Variants in PPP1R3E observed in about 807,000 individuals in gnomAD.
The protein encoded by PPP1R3E is protein phosphatase 1 regulatory subunit 3E.
PPP1R3E carries 20 observed loss-of-function variants against 18.5 expected under a neutral mutation model. That is an observed-to-expected ratio of 1.08 (90% CI 0.76 to 1.58). The LOEUF is 1.58. Among genes scored for constraint, PPP1R3E ranks in the 40% most tolerant of loss-of-function variants. The pLI is 0.00. For synonymous variants in PPP1R3E, 208 were observed against 208.1 expected, an observed-to-expected ratio of 1.00 and a Z score of 0.00; for missense variants, 498 against 460.2, an observed-to-expected ratio of 1.08 and a Z score of -0.75.
chr14:23,302,616 C>T lies in PPP1R3E; in HGVS notation c.-40G>A, dbSNP rs781779716. 3.6e-6 allele frequency: 5 copies of T among 1,398,778 alleles called. No homozygotes were observed. In the African/African-American group the frequency reaches 4.6e-5, roughly 13 times the overall value. The allele number at this position is 1,398,778 out of a possible 1,614,324, so 86.6% of individuals were successfully genotyped here. Reference sequence around the variant, plus strand: ...CGGCGGGGCCAGCTCGCAGCGCCACCGCGCTCCCCTCTCTTCCTCTCTCCC... The same window carrying T: ...CGGCGGGGCCAGCTCGCAGCGCCACTGCGCTCCCCTCTCTTCCTCTCTCCC... On this transcript the variant is annotated 5_prime_UTR_variant, in exon 1 of 5. Coordinates refer to ENST00000452015, the MANE Select transcript of PPP1R3E (RefSeq NM_001276318.2).
rs1255210818 is a variant in PPP1R3E at position 23,297,127 on chromosome 14, A to C, written c.*2177T>G. On this transcript the variant is annotated 3_prime_UTR_variant, in exon 5 of 5. Transcript: ENST00000452015. ...AGTGTTTTCTCTCACGGCACTTCCCAGTCCACAGCTGACATGTTATATTCC... is the reference window on the plus strand; with the variant it reads ...AGTGTTTTCTCTCACGGCACTTCCCCGTCCACAGCTGACATGTTATATTCC... The C allele has an allele frequency of 6.6e-6, 1 of 152,244 alleles. No homozygotes were observed. The highest frequency in any genetic ancestry group is 1.5e-5 in the Non-Finnish European group (1 of 68,060). The allele number at this position is 152,244 out of a possible 1,614,324, so 9.4% of individuals were successfully genotyped here.
chr14:23,301,272 C>G (rs1399503858), intron 2 of PPP1R3E, 26 bp downstream of exon 2: 4 of 187,756 alleles, frequency 2.1e-5, no homozygotes, highest in Non-Finnish European at 4.2e-5. Context: ...CACGCCCCCA[C>G]GCCCCCACGC....
At chr14:23,301,984 G>T in intron 1 of PPP1R3E, 126 bp from the exon 2 acceptor site, 1 of 1,261,176 alleles carries the variant, frequency 7.9e-7, no homozygotes, top group African/African-American at 1.6e-5. Context: ...GGCAGAGTGC[G>T]GCCCAGCTGC....
Position 23,302,443 on chromosome 14 carries a change from C to T in PPP1R3E, c.134G>A (p.Gly45Asp), listed in dbSNP as rs948578576. The T allele has an allele frequency of 4.0e-6, 6 of 1,504,086 alleles. No homozygotes were observed. Among genetic ancestry groups the T allele is most frequent in the African/African-American group, 1.4e-5 (1 of 69,178 alleles). 93.2% of individuals were successfully genotyped at this position (1,504,086 alleles called of 1,614,324 possible). A position where few individuals can be genotyped will look rare whatever the true frequency, so the allele number is the denominator to read the frequency against. ...EEEPEEEPGE[G>D]GTRFGARSRA... The stretch of plus-strand genomic sequence containing the variant: ...GGATCGGGCCCCGAACCGCGTCCCG[C>T]CCTCGCCTGGCTCCTCCTCCGGCTC... Residue 45 changes from glycine (G) to aspartate (D), a missense_variant, in exon 1 of 5, where the codon GGC becomes GAC. Coordinates refer to ENST00000452015, the MANE Select transcript of PPP1R3E (RefSeq NM_001276318.2).
rs1420354475 is a variant in PPP1R3E at position 23,302,511 on chromosome 14, C to T, written c.66G>A (p.Thr22=). 6.7e-7 allele frequency: 1 copy of T among 1,503,538 alleles called. No homozygotes were observed. The highest frequency in any genetic ancestry group is 8.8e-7 in the Non-Finnish European group (1 of 1,134,366). 93.1% of individuals were successfully genotyped at this position (1,503,538 alleles called of 1,614,324 possible). ...GCTGGCTACGGTAGTAGGCGCGCTCCGTTAGCGCGGCGATGAAGCTCAGGT... is the reference window on the plus strand; with the variant it reads ...GCTGGCTACGGTAGTAGGCGCGCTCTGTTAGCGCGGCGATGAAGCTCAGGT... The part of the protein sequence containing the change: ...PRNLSFIAAL[T]ERAYYRSQRP... The change falls in exon 1 of 5, where the codon ACG becomes ACA. Residue 22 remains threonine (T), a synonymous_variant. Coordinates refer to ENST00000452015, the MANE Select transcript of PPP1R3E (RefSeq NM_001276318.2).
In PPP1R3E at chr14:23,297,807, G is replaced by A. The variant is rs1886918051; in HGVS notation, c.*1497C>T. 6.6e-6 allele frequency: 1 copy of A among 152,228 alleles called. No individual in the cohort carries two copies. Among genetic ancestry groups the A allele is most frequent in the African/African-American group, 2.4e-5 (1 of 41,450 alleles). 9.4% of individuals were successfully genotyped at this position (152,228 alleles called of 1,614,324 possible). A position where few individuals can be genotyped will look rare whatever the true frequency, so the allele number is the denominator to read the frequency against. On this transcript the variant is annotated 3_prime_UTR_variant, in exon 5 of 5. Transcript: ENST00000452015. The stretch of plus-strand genomic sequence containing the variant: ...GACCAAAATGTTGTTCTATAAAGCT[G>A]AGATTGGGGAGAGTGAGCCAGGGTA...
intron 2 of PPP1R3E, 165 bp downstream of exon 2, chr14:23,301,133 T>TC: frequency 6.3e-6 from 2 of 316,404 alleles, no homozygotes; most frequent in Non-Finnish European, 1.2e-5. Context: ...TTCCTTTTTT[T>TC]ATAATCCCTC....
At position 23,296,225 on chromosome 14, in the gene PPP1R3E, G is replaced by A. The variant is rs555961753; in HGVS notation, c.*3079C>T. 1 of 152,260 alleles carries A rather than the reference G, an allele frequency of 6.6e-6. No individual in the cohort carries two copies. Among genetic ancestry groups the A allele is most frequent in the South Asian group, 2.1e-4 (1 of 4,836 alleles). 9.4% of individuals were successfully genotyped at this position (152,260 alleles called of 1,614,324 possible). A position where few individuals can be genotyped will look rare whatever the true frequency, so the allele number is the denominator to read the frequency against. On this transcript the variant is annotated 3_prime_UTR_variant, in exon 5 of 5. Transcript: ENST00000452015. ...CAAAAGTGCCAAAGCTGAGGACACA[G>A]AGAATACCATCATTGTCTTTTGTTT...
rs1190981064 is a variant in PPP1R3E, at chr14:23,296,740, T to C, written c.*2564A>G. The C allele has an allele frequency of 5.9e-5, 9 of 152,216 alleles. No individual in the cohort carries two copies. The highest frequency in any genetic ancestry group is 5.9e-5 in the Non-Finnish European group (4 of 68,062). The allele number at this position is 152,216 out of a possible 1,614,324, so 9.4% of individuals were successfully genotyped here. On this transcript the variant is annotated 3_prime_UTR_variant, in exon 5 of 5. Coordinates refer to ENST00000452015, the MANE Select transcript of PPP1R3E (RefSeq NM_001276318.2). ...GCACTAACAAATTCTATGACCCTGC[T>C]AGAGTCATTTCTCACCTCTGGACCT...
In PPP1R3E at chr14:23,302,439, C is replaced by G. The variant is rs950858428; in HGVS notation, c.138G>C (p.Gly46=). 1 of 1,501,400 alleles carries G rather than the reference C, an allele frequency of 6.7e-7. No homozygotes were observed. Among genetic ancestry groups the G allele is most frequent in the African/African-American group, 1.4e-5 (1 of 69,090 alleles). The allele number at this position is 1,501,400 out of a possible 1,614,324, so 93.0% of individuals were successfully genotyped here. A position where few individuals can be genotyped will look rare whatever the true frequency, so the allele number is the denominator to read the frequency against. Residue 46 remains glycine, a synonymous_variant, in exon 1 of 5, where the codon GGG becomes GGC. Coordinates refer to ENST00000452015, the MANE Select transcript of PPP1R3E (RefSeq NM_001276318.2). ...CGCGGGATCGGGCCCCGAACCGCGT[C>G]CCGCCCTCGCCTGGCTCCTCCTCCG... is the stretch of plus-strand genomic sequence containing the variant. The part of the protein sequence containing the change: ...EEPEEEPGEG[G]TRFGARSRAH...
intron 2 of PPP1R3E, 137 bp from the exon 3 acceptor site, chr14:23,301,001 A>C: frequency 6.2e-6 from 1 of 162,256 alleles, no homozygotes; most frequent in Non-Finnish European, 1.3e-5. Flanking sequence ...GCTACTTCAC[A>C]TCATACCTCC....
chr14:23,302,291 A>G lies in PPP1R3E; in HGVS notation c.286T>C (p.Leu96=). 6.6e-7 allele frequency: 1 copy of G among 1,520,154 alleles called. No homozygotes were observed. The highest frequency in any genetic ancestry group is 1.4e-5 in the African/African-American group (1 of 70,280). 94.2% of individuals were successfully genotyped at this position (1,520,154 alleles called of 1,614,324 possible). The part of the protein sequence containing the change: ...KRVRFADALG[L]ELAVVRRFRP... ...AAGCGGCGCACGACAGCCAGCTCCA[A>G]CCCCAGTGCGTCGGCGAAACGCACT... Residue 96 remains leucine (L), a synonymous_variant, in exon 1 of 5, where the codon TTG becomes CTG. Transcript: ENST00000452015.
chr14:23,302,774 C>T lies in PPP1R3E; in HGVS notation c.-198G>A. The stretch of plus-strand genomic sequence containing the variant: ...GCCTCTCCTCTGTGACCACCCTTCC[C>T]TCCCTCTGGCCGTCAGCTTCCAGGG... On this transcript the variant is annotated 5_prime_UTR_variant, in exon 1 of 5. Coordinates refer to ENST00000452015, the MANE Select transcript of PPP1R3E (RefSeq NM_001276318.2). The T allele has an allele frequency of 1.9e-6, 1 of 536,780 alleles. No individual in the cohort carries two copies. Among genetic ancestry groups the T allele is most frequent in the Non-Finnish European group, 3.2e-6 (1 of 315,116 alleles). 33.3% of individuals were successfully genotyped at this position (536,780 alleles called of 1,614,324 possible). A position where few individuals can be genotyped will look rare whatever the true frequency, so the allele number is the denominator to read the frequency against.
Position 23,301,313 on chromosome 14 carries a change from C to T in PPP1R3E, c.*123G>A, listed in dbSNP as rs1234752625. 2.9e-6 allele frequency: 3 copies of T among 1,050,964 alleles called. No individual in the cohort carries two copies. Among genetic ancestry groups the T allele is most frequent in the African/African-American group, 3.3e-5 (2 of 59,742 alleles). 65.1% of individuals were successfully genotyped at this position (1,050,964 alleles called of 1,614,324 possible). A position where few individuals can be genotyped will look rare whatever the true frequency, so the allele number is the denominator to read the frequency against. ...ATTTCCCCACCCTTTTCGCCCTCCC[C>T]GGCTTGACTCCCTTGGACCGCTCCC... On this transcript the variant is annotated 3_prime_UTR_variant, in exon 2 of 5. Transcript: ENST00000452015.
rs1887039613 is a variant in PPP1R3E at position 23,301,601 on chromosome 14, C to A, written c.675G>T (p.Leu225=). The change falls in exon 2 of 5, where the codon CTG becomes CTT. Residue 225 remains leucine, a synonymous_variant. Transcript: ENST00000452015. ...PPRADRFAFR[L]PAPPIGGALL... ...GGGCGCCCCCAATCGGCGGCGCGGG[C>A]AGGCGGAAGGCGAAGCGGTCGGCGC... 2.8e-6 allele frequency: 4 copies of A among 1,437,968 alleles called. No homozygotes were observed. Among genetic ancestry groups the A allele is most frequent in the Non-Finnish European group, 3.6e-6 (4 of 1,096,416 alleles). The allele number at this position is 1,437,968 out of a possible 1,614,324, so 89.1% of individuals were successfully genotyped here. A position where few individuals can be genotyped will look rare whatever the true frequency, so the allele number is the denominator to read the frequency against.
Position 23,302,576 on chromosome 14 carries a change from T to TA in PPP1R3E, c.-1_1insT. ...GTGCCCGGGGGCCGCTCACGGGACA[T>TA]GGCAGCCCCTTCCCCGGCGGGGCCA... On this transcript the variant is annotated 5_prime_UTR_variant, in exon 1 of 5. Transcript: ENST00000452015. The TA allele has an allele frequency of 1.4e-6, 2 of 1,436,096 alleles. No individual in the cohort carries two copies. Among genetic ancestry groups the TA allele is most frequent in the Non-Finnish European group, 1.8e-6 (2 of 1,104,534 alleles). The allele number at this position is 1,436,096 out of a possible 1,614,324, so 89.0% of individuals were successfully genotyped here. A position where few individuals can be genotyped will look rare whatever the true frequency, so the allele number is the denominator to read the frequency against.
In PPP1R3E at chr14:23,301,500, C is replaced by G; in HGVS notation, c.776G>C (p.Arg259Pro). ...DNNGGRDYALRGPEHPGSGGA... is the reference protein window; with the variant it reads ...DNNGGRDYALPGPEHPGSGGA... Reference sequence around the variant, plus strand: ...GCCACTGCCCGGGTGCTCGGGCCCACGTAGAGCATAGTCACGGCCGCCGTT... The same window carrying G: ...GCCACTGCCCGGGTGCTCGGGCCCAGGTAGAGCATAGTCACGGCCGCCGTT... Residue 259 changes from arginine to proline, a missense_variant, in exon 2 of 5, where the codon CGT becomes CCT. Physicochemically the swap from Arg to Pro is moderately radical, Grantham distance 103. Coordinates refer to ENST00000452015, the MANE Select transcript of PPP1R3E (RefSeq NM_001276318.2). The G allele has an allele frequency of 1.3e-6, 2 of 1,487,762 alleles. No individual in the cohort carries two copies. The highest frequency in any genetic ancestry group is 1.8e-6 in the Non-Finnish European group (2 of 1,123,230). The allele number at this position is 1,487,762 out of a possible 1,614,324, so 92.2% of individuals were successfully genotyped here.
intron 2 of PPP1R3E, 112 bp from the exon 3 acceptor site, chr14:23,300,976 C>A (rs57418378): frequency 0.022 from 3,441 of 157,542 alleles, 133 homozygotes; most frequent in African/African-American, 0.078. Flanking sequence ...AATGTAAATG[C>A]CTTCGACTGG....
chr14:23,302,752 T>A lies in PPP1R3E; in HGVS notation c.-176A>T, dbSNP rs1207406031. The A allele has an allele frequency of 6.4e-6, 4 of 621,888 alleles. No individual in the cohort carries two copies. Among genetic ancestry groups the A allele is most frequent in the African/African-American group, 2.0e-5 (1 of 50,992 alleles). 38.5% of individuals were successfully genotyped at this position (621,888 alleles called of 1,614,324 possible). A position where few individuals can be genotyped will look rare whatever the true frequency, so the allele number is the denominator to read the frequency against. ...ATCCTCCACCTCCCGTTGCTTTGCC[T>A]CTCCTCTGTGACCACCCTTCCCTCC... is the stretch of plus-strand genomic sequence containing the variant. On this transcript the variant is annotated 5_prime_UTR_variant, in exon 1 of 5. Transcript: ENST00000452015.
Sources: gnomAD v4.1 joint callset for allele counts on GRCh38, gnomAD v4.1.1 for gene constraint, MANE v1.5 for transcripts, NCBI Gene and HGNC (gene_info 2026-07-23, HGNC 2026-07-21) for gene names.